Variants in BPNT2 observed in about 807,000 individuals in gnomAD.
The protein encoded by BPNT2 is 3'(2'), 5'-bisphosphate nucleotidase 2, also known as Golgi-resident adenosine 3',5'-bisphosphate 3'-phosphatase.
In BPNT2, 11 loss-of-function variants were observed where a neutral mutation model predicts 29.3. The observed-to-expected ratio is 0.38, with a 90% CI of 0.24 to 0.62. The LOEUF (loss-of-function observed/expected upper bound fraction) is 0.62. BPNT2 is among the 20% of genes least tolerant of loss of function. The pLI is 0.62. For missense variants in BPNT2, 459 were observed against 473.4 expected (o/e 0.97, Z 0.28); for synonymous variants, 195 against 187.7 (o/e 1.04, Z -0.32).
intron 3 of BPNT2, among the ~76,000 whole-genome samples, chr8:56,966,596 A>G (rs1805957690): frequency 6.6e-6 from 1 of 152,232 alleles, no homozygotes; most frequent in Non-Finnish European, 1.5e-5. Context: ...ATAACCAAAG[A>G]CAACGACTAT....
intron 3 of BPNT2, among the ~76,000 whole-genome samples, chr8:56,970,498 G>A (rs1202983509): frequency 1.3e-5 from 2 of 152,136 alleles, no homozygotes; most frequent in Non-Finnish European, 2.9e-5. Context: ...AAGGGGCCTA[G>A]GGGTTGTTCT....
At position 56,971,788 on chromosome 8, in the gene BPNT2, C is replaced by CG. The variant is rs200324392; in HGVS notation, c.647-5437_647-5436insC. 1.4e-5 allele frequency among the ~76,000 whole-genome samples: 2 copies of CG among 145,274 alleles called. 1 individual carries two copies. Among genetic ancestry groups the CG allele is most frequent in the Non-Finnish European group, 3.1e-5 (2 of 65,350 alleles). ...ACTGAAATAATTTTGTACCACCCCC[C>CG]CCCCCACAATGCTACTGTGTGGGCC... On this transcript the variant is annotated intron_variant, in intron 3 of 4. Coordinates refer to ENST00000262644, the MANE Select transcript of BPNT2 (RefSeq NM_017813.5).
intron 1 of BPNT2, among the ~76,000 whole-genome samples, chr8:56,985,867 A>C (rs1026821819): frequency 2.6e-5 from 4 of 152,228 alleles, no homozygotes; most frequent in African/African-American, 9.6e-5. Context: ...ATAGACAAAA[A>C]TGTAGATGTA....
chr8:56,973,719 G>C (rs1211410351), intron 3 of BPNT2, among the ~76,000 whole-genome samples: 4 of 152,172 alleles, frequency 2.6e-5, no homozygotes, highest in Non-Finnish European at 4.4e-5. Flanking sequence ...AGAAGAAGCA[G>C]TGCCAGAAAA....
Position 56,963,600 on chromosome 8 carries a change from A to G in BPNT2, c.*193T>C, listed in dbSNP as rs894977564. The G allele has an allele frequency of 1.7e-5, 10 of 599,878 alleles. No homozygotes were observed. Among genetic ancestry groups the G allele is most frequent in the Admixed American group, 1.5e-4 (5 of 33,460 alleles). The allele number at this position is 599,878 out of a possible 1,614,324, so 37.2% of individuals were successfully genotyped here. A position where few individuals can be genotyped will look rare whatever the true frequency, so the allele number is the denominator to read the frequency against. Reference sequence around the variant, plus strand: ...GTCTCAAAAATAAAGACAATACTTGAGACACAAAGCAACCCATTTTCCCTG... The same window carrying G: ...GTCTCAAAAATAAAGACAATACTTGGGACACAAAGCAACCCATTTTCCCTG... On this transcript the variant is annotated 3_prime_UTR_variant, in exon 5 of 5. Transcript: ENST00000262644.
In BPNT2 at chr8:56,963,787, T is replaced by G. The variant is rs376844118; in HGVS notation, c.*6A>C. On this transcript the variant is annotated 3_prime_UTR_variant, in exon 5 of 5. Transcript: ENST00000262644. ...GTGAAGAACTGTACCCTGTAATCAG[T>G]TATGCTCATTTATGTCCTGTCTTTT... The G allele has an allele frequency of 5.6e-6, 9 of 1,614,108 alleles. No individual in the cohort carries two copies. In the African/African-American group the frequency reaches 1.1e-4, roughly 19 times the overall value.
At chr8:56,992,654 CAA>C (rs1160045763) in intron 1 of BPNT2, among the ~76,000 whole-genome samples, 4 of 151,976 alleles carry the variant, frequency 2.6e-5, no homozygotes, top group Admixed American at 6.6e-5. Flanking sequence ...AGCGTCCTGA[CAA>C]AAAGACAGCG....
At chr8:56,991,763 T>C (rs1282102202) in intron 1 of BPNT2, among the ~76,000 whole-genome samples, 1 of 152,190 alleles carries the variant, frequency 6.6e-6, no homozygotes, top group Non-Finnish European at 1.5e-5. Context: ...GTTATAACCA[T>C]TAAATAGCAA....
At chr8:56,967,141 G>A in intron 3 of BPNT2, 1 of 456,172 alleles carries the variant, frequency 2.2e-6, no homozygotes, top group Non-Finnish European at 4.4e-6. Flanking sequence ...TGTTGTTTTA[G>A]CAGTCACTCA....
chr8:56,964,596 C>T (rs951010147), intron 4 of BPNT2, among the ~76,000 whole-genome samples: 4 of 152,172 alleles, frequency 2.6e-5, no homozygotes, highest in African/African-American at 9.6e-5. Context: ...CCACTGCACC[C>T]GGCCTGCAAA....
chr8:56,992,423 AATG>A (rs377264154), intron 1 of BPNT2, among the ~76,000 whole-genome samples: 164 of 152,332 alleles, frequency 1.1e-3, no homozygotes, highest in African/African-American at 3.7e-3. Context: ...GCTCCAGTGA[AATG>A]ATGAATTCAA....
intron 3 of BPNT2, chr8:56,967,142 C>A: frequency 2.2e-6 from 1 of 456,158 alleles, no homozygotes; most frequent in Non-Finnish European, 4.4e-6. Context: ...GTTGTTTTAG[C>A]AGTCACTCAC....
chr8:56,983,095 G>A (rs1340021595), intron 1 of BPNT2, among the ~76,000 whole-genome samples: 1 of 152,120 alleles, frequency 6.6e-6, no homozygotes, highest in Non-Finnish European at 1.5e-5. Context: ...AGAATAAACA[G>A]TTAATGGGGT....
Position 56,958,493 on chromosome 8 carries a change from C to A in BPNT2, c.*5300G>T, listed in dbSNP as rs540499421. The A allele has an allele frequency of 2.0e-4, 30 of 152,170 alleles. No individual in the cohort carries two copies. The highest frequency in any genetic ancestry group is 3.7e-4 in the Non-Finnish European group (25 of 68,008). 9.4% of individuals were successfully genotyped at this position (152,170 alleles called of 1,614,324 possible). On this transcript the variant is annotated 3_prime_UTR_variant, in exon 5 of 5. Transcript: ENST00000262644. The stretch of plus-strand genomic sequence containing the variant: ...AAACTGGTGTCTAAGCATGTGACGG[C>A]AACAGCTAATGGTCTAGTTCCTCCA...
At chr8:56,977,437 T>G (rs1806159821) in intron 3 of BPNT2, among the ~76,000 whole-genome samples, 1 of 152,160 alleles carries the variant, frequency 6.6e-6, no homozygotes, top group South Asian at 2.1e-4. Context: ...CTATGTCCTT[T>G]CTGTTTCTTA....
At chr8:56,966,156 C>T in intron 4 of BPNT2, 35 bp downstream of exon 4, 6 of 1,610,938 alleles carry the variant, frequency 3.7e-6, no homozygotes, top group Non-Finnish European at 4.2e-6. Flanking sequence ...ATGCCAGGAA[C>T]ATTCTCCAGG....
intron 1 of BPNT2, among the ~76,000 whole-genome samples, chr8:56,992,628 A>C (rs937390750): frequency 6.6e-6 from 1 of 152,102 alleles, no homozygotes. Flanking sequence ...AAGGGCCCGC[A>C]AACTATAAAC....
At chr8:56,967,323 T>C in intron 3 of BPNT2, 2 of 446,928 alleles carry the variant, frequency 4.5e-6, no homozygotes, top group Non-Finnish European at 9.0e-6. Flanking sequence ...CTAAAAACTA[T>C]ACACAGCAAC....
chr8:56,964,282 CTT>C, intron 4 of BPNT2: 2 of 454,230 alleles, frequency 4.4e-6, no homozygotes, highest in Admixed American at 3.9e-5. Context: ...TGCAAAGTAA[CTT>C]ATTGTTTATT....
Sources: allele counts gnomAD v4.1 joint callset (sites outside exome capture counted in the v4.1 genomes callset), GRCh38; gene constraint gnomAD v4.1.1; transcripts MANE v1.5; gene names NCBI Gene and HGNC (gene_info 2026-07-23, HGNC 2026-07-21).